The following ARHGEF4 variants were observed in gnomAD, a reference collection of about 807,000 sequenced individuals.
ARHGEF4 encodes the protein APC-stimulated guanine nucleotide exchange factor 1.
ARHGEF4 carries 119 observed loss-of-function variants against 162.0 expected under a neutral mutation model. The observed-to-expected ratio is 0.73, with a 90% CI of 0.63 to 0.86. The LOEUF is 0.86. ARHGEF4 is among the 40% of genes least tolerant of loss of function. ARHGEF4 has a pLI of 0.00. For missense variants in ARHGEF4, 2,488 were observed against 2,456.0 expected, an observed-to-expected ratio of 1.01 and a Z score of -0.28; for synonymous variants, 1,014 against 979.9, an observed-to-expected ratio of 1.03 and a Z score of -0.65.
chr2:130,938,620 A>G (rs181700124), intron 3 of ARHGEF4, among the ~76,000 whole-genome samples: 44 of 152,232 alleles, frequency 2.9e-4, no homozygotes, highest in South Asian at 8.3e-4. Flanking sequence ...TGTATTATAT[A>G]TATTCATATT....
intron 4 of ARHGEF4, among the ~76,000 whole-genome samples, chr2:130,993,820 T>C (rs971843583): frequency 3.3e-5 from 5 of 152,140 alleles, no homozygotes; most frequent in African/African-American, 4.8e-5. Flanking sequence ...GTCTTGCTGT[T>C]ACCCAGGCTG....
chr2:130,862,755 C>G (rs1389257271), intron 1 of ARHGEF4, among the ~76,000 whole-genome samples: 1 of 66,084 alleles, frequency 1.5e-5, no homozygotes, highest in Non-Finnish European at 2.4e-5. Context: ...GTAATCCCAG[C>G]TACTTGGGAG....
At chr2:130,837,865 C>CGGGA (rs1431289751) in intron 1 of ARHGEF4, among the ~76,000 whole-genome samples, 1 of 11,928 alleles carries the variant, frequency 8.4e-5, no homozygotes, top group African/African-American at 3.4e-4. Flanking sequence ...GGCGGGAGGG[C>CGGGA]GGGAGGGCGC....
intron 4 of ARHGEF4, among the ~76,000 whole-genome samples, chr2:130,976,887 T>C (rs1685754650): frequency 6.6e-6 from 1 of 152,014 alleles, no homozygotes; most frequent in African/African-American, 2.4e-5. Flanking sequence ...GCATGGTGTG[T>C]GTGTGGTATG....
At chr2:130,873,587 CAAAAA>C (rs397868918) in intron 1 of ARHGEF4, among the ~76,000 whole-genome samples, 1 of 107,970 alleles carries the variant, frequency 9.3e-6, no homozygotes, top group Middle Eastern at 5.2e-3. Context: ...AACTCCATCT[CAAAAA>C]AAAAAAAAAG....
chr2:130,938,567 T>A (rs1683101268), intron 3 of ARHGEF4, among the ~76,000 whole-genome samples: 1 of 152,204 alleles, frequency 6.6e-6, no homozygotes, highest in Admixed American at 6.5e-5. Flanking sequence ...GCAAGGCATT[T>A]TTTTAATGTT....
chr2:131,041,271 C>T lies in ARHGEF4; in HGVS notation c.4704C>T (p.His1568=). The part of the protein sequence containing the change: ...FQIYSEYCNN[H]PNACVELSRL... ...TCTACTCGGAGTACTGCAATAACCA[C>T]CCCAACGCCTGCGTGGAGCTCTCCC... The change falls in exon 9 of 14, where the codon CAC becomes CAT. Residue 1568 remains histidine, a synonymous_variant. Transcript: ENST00000409359. 6.2e-7 allele frequency: 1 copy of T among 1,613,934 alleles called. No homozygotes were observed. Among genetic ancestry groups the T allele is most frequent in the Non-Finnish European group, 8.5e-7 (1 of 1,180,032 alleles).
At chr2:130,940,763 C>T (rs1336816981) in intron 3 of ARHGEF4, among the ~76,000 whole-genome samples, 5 of 141,446 alleles carry the variant, frequency 3.5e-5, no homozygotes, top group Admixed American at 7.4e-5. Context: ...ACCCGGGAGG[C>T]AGAGCTTGCA....
chr2:130,926,809 G>GTTTTTTTTTTTTTT (rs1559044315), intron 2 of ARHGEF4, among the ~76,000 whole-genome samples: 1 of 13,824 alleles, frequency 7.2e-5, no homozygotes, highest in Non-Finnish European at 2.7e-4. Flanking sequence ...ACTTCTGGCT[G>GTTTTTTTTTTTTTT]ATTTTTTTTT....
intron 1 of ARHGEF4, among the ~76,000 whole-genome samples, chr2:130,908,343 G>A (rs1353719776): frequency 6.6e-6 from 1 of 152,200 alleles, no homozygotes; most frequent in Non-Finnish European, 1.5e-5. Context: ...AGTTCTAAGA[G>A]CCTTTGGGCA....
At chr2:130,894,481 T>C (rs1680039513) in intron 1 of ARHGEF4, among the ~76,000 whole-genome samples, 1 of 152,108 alleles carries the variant, frequency 6.6e-6, no homozygotes, top group African/African-American at 2.4e-5. Flanking sequence ...CGGAGACACC[T>C]GGACAGGAAT....
At chr2:131,034,236 C>G (rs1690064642) in intron 5 of ARHGEF4, among the ~76,000 whole-genome samples, 1 of 152,226 alleles carries the variant, frequency 6.6e-6, no homozygotes, top group Non-Finnish European at 1.5e-5. Context: ...CCAGAAATCT[C>G]TGCCCATGCC....
intron 3 of ARHGEF4, among the ~76,000 whole-genome samples, chr2:130,937,481 A>G (rs1683029214): frequency 6.6e-6 from 1 of 152,068 alleles, no homozygotes; most frequent in South Asian, 2.1e-4. Flanking sequence ...TTGGTATTCC[A>G]TTTGATGAGA....
At chr2:130,893,577 G>A (rs1202269304) in intron 1 of ARHGEF4, among the ~76,000 whole-genome samples, 4 of 152,208 alleles carry the variant, frequency 2.6e-5, no homozygotes, top group Non-Finnish European at 5.9e-5. Flanking sequence ...GCAGGTGCCG[G>A]GATGCTGAGG....
chr2:130,984,824 G>C (rs554702315), intron 4 of ARHGEF4, among the ~76,000 whole-genome samples: 9 of 152,178 alleles, frequency 5.9e-5, no homozygotes, highest in African/African-American at 2.2e-4. Flanking sequence ...TGAAACAGTT[G>C]GGGTGCTTCC....
chr2:130,864,882 A>C (rs1324844371), intron 1 of ARHGEF4, among the ~76,000 whole-genome samples: 1 of 152,216 alleles, frequency 6.6e-6, no homozygotes, highest in Non-Finnish European at 1.5e-5. Context: ...TAGCTCAACA[A>C]ATCCTTTTTA....
chr2:131,006,087 C>T (rs898255615), intron 4 of ARHGEF4, among the ~76,000 whole-genome samples: 9 of 152,142 alleles, frequency 5.9e-5, no homozygotes, highest in African/African-American at 7.2e-5. Flanking sequence ...ACCTGTTCCC[C>T]GCCATTGGTC....
chr2:130,864,940 G>A (rs1191194241), intron 1 of ARHGEF4, among the ~76,000 whole-genome samples: 3 of 152,194 alleles, frequency 2.0e-5, no homozygotes, highest in Non-Finnish European at 4.4e-5. Flanking sequence ...TTCCTTTGAT[G>A]GAGACGCACA....
chr2:130,837,597 G>C (rs962478910), intron 1 of ARHGEF4: 1 of 451,860 alleles, frequency 2.2e-6, no homozygotes, highest in Non-Finnish European at 4.4e-6. Flanking sequence ...ACTCAGTTGG[G>C]ACGCCTCCAC....
Sources: allele counts gnomAD v4.1 joint callset (sites outside exome capture counted in the v4.1 genomes callset), GRCh38; gene constraint gnomAD v4.1.1; transcripts MANE v1.5; gene names NCBI Gene and HGNC (gene_info 2026-07-23, HGNC 2026-07-21).